CHD1L: variants seen among roughly 807,000 people sequenced by gnomAD.
CHD1L encodes ATP-dependent chromatin remodeler CHD1L.
A neutral mutation model predicts 115.9 loss-of-function variants in CHD1L; 118 were observed. The observed-to-expected ratio is 1.02, with a 90% CI of 0.88 to 1.19. CHD1L has a LOEUF of 1.19. CHD1L is among the 50% of genes most tolerant of loss of function. The pLI, the probability that CHD1L is intolerant of heterozygous loss-of-function variation, is 0.00. For missense variants in CHD1L, 1,179 were observed against 1,065.3 expected (o/e 1.11, Z -1.49); for synonymous variants, 411 against 387.1 (o/e 1.06, Z -0.72).
At chr1:147,178,115 T>G in the CHD1L span, 9 of 1,582,104 alleles carry the variant, frequency 5.7e-6, no homozygotes, top group Non-Finnish European at 6.9e-6. Flanking sequence ...CTCGCCGCCA[T>G]GTGCCTCCGC....
chr1:147,286,842 CT>C (rs1374825798), intron 18 of CHD1L, among the ~76,000 whole-genome samples: 1 of 152,132 alleles, frequency 6.6e-6, no homozygotes, highest in Non-Finnish European at 1.5e-5. Context: ...AGCTTGTTCC[CT>C]TGCTTGACCT....
At position 147,264,469 on chromosome 1, in the gene CHD1L, C is replaced by T. The variant is rs143518204; in HGVS notation, c.624C>T (p.Asn208=). Residue 208 remains asparagine (N), a synonymous_variant, in exon 7 of 23, where the codon AAC becomes AAT. Coordinates refer to ENST00000369258, the MANE Select transcript of CHD1L (RefSeq NM_004284.6). The stretch of plus-strand genomic sequence containing the variant: ...TGTTGACCGGAACTCCCATCCAGAA[C>T]AGCCTCCAAGAGCTCTACTCCCTCC... ...SLLLTGTPIQ[N]SLQELYSLLS... is the part of the protein sequence containing the mutation. The T allele has an allele frequency of 1.3e-5, 21 of 1,613,586 alleles. No homozygotes were observed. In the African/African-American group the frequency reaches 2.5e-4, roughly 19 times the overall value.
the CHD1L span, among the ~76,000 whole-genome samples, chr1:147,229,235 C>T: frequency 6.6e-6 from 1 of 152,032 alleles, no homozygotes; most frequent in Non-Finnish European, 1.5e-5. Flanking sequence ...ACAGCTAGCC[C>T]GTTTTCCCAG....
intron 12 of CHD1L, among the ~76,000 whole-genome samples, chr1:147,274,694 T>A (rs587727341): frequency 6.6e-6 from 1 of 151,774 alleles, no homozygotes. Flanking sequence ...CCAGCAAGAG[T>A]GTTCTGAGCA....
chr1:147,271,854 A>T (rs1676373320), intron 11 of CHD1L, among the ~76,000 whole-genome samples: 1 of 152,300 alleles, frequency 6.6e-6, no homozygotes, highest in African/African-American at 2.4e-5. Flanking sequence ...CATCTCAGCA[A>T]AGTTGAAACT....
chr1:147,231,473 T>C, the CHD1L span, among the ~76,000 whole-genome samples: 1 of 152,230 alleles, frequency 6.6e-6, no homozygotes, highest in Non-Finnish European at 1.5e-5. Context: ...CTGAAAAGAA[T>C]GTATATTCTG....
At chr1:147,280,470 C>T (rs1553961240) in intron 15 of CHD1L, among the ~76,000 whole-genome samples, 1 of 152,208 alleles carries the variant, frequency 6.6e-6, no homozygotes, top group African/African-American at 2.4e-5. Flanking sequence ...TGTACCTTTT[C>T]TCCCTTGGTT....
the CHD1L span, among the ~76,000 whole-genome samples, chr1:147,218,305 A>C: frequency 6.6e-6 from 1 of 150,730 alleles, no homozygotes; most frequent in African/African-American, 2.4e-5. Context: ...GCACGATCTC[A>C]GCTCCCTGCA....
chr1:147,249,202 T>C (rs1181160555), intron 1 of CHD1L, among the ~76,000 whole-genome samples: 1 of 152,186 alleles, frequency 6.6e-6, no homozygotes, highest in Non-Finnish European at 1.5e-5. Context: ...GGAGTCTGGA[T>C]TGACAGTTCT....
At chr1:147,180,537 C>T in the CHD1L span, among the ~76,000 whole-genome samples, 7 of 152,326 alleles carry the variant, frequency 4.6e-5, no homozygotes, top group South Asian at 2.1e-4. Context: ...GTGATCCACC[C>T]GCCTTGGCCT....
rs782027400 is a variant in CHD1L, at chr1:147,267,428, G to A, written c.898G>A (p.Ala300Thr). ...CTCTCTTTTTTTTTAAATTTCAGATGCATTTGAAAATGAGACGGCAAAGAA... is the reference window on the plus strand; with the variant it reads ...CTCTCTTTTTTTTTAAATTTCAGATACATTTGAAAATGAGACGGCAAAGAA... ...YKAILMKDLD[A>T]FENETAKKVK... Residue 300 changes from alanine (A) to threonine (T), a missense_variant and splice_region_variant, in exon 9 of 23, where the codon GCA (alanine) becomes ACA (threonine). Physicochemically the swap from Ala to Thr is moderately conservative, Grantham distance 58. Transcript: ENST00000369258. 11 of 1,609,164 alleles carry A rather than the reference G, an allele frequency of 6.8e-6. No homozygotes were observed. The highest frequency in any genetic ancestry group is 5.9e-6 in the Non-Finnish European group (7 of 1,176,636).
chr1:147,204,869 A>G, the CHD1L span: 1 of 1,594,940 alleles, frequency 6.3e-7, no homozygotes, highest in East Asian at 2.2e-5. Flanking sequence ...AATTCTGAAA[A>G]GTGTTTCGCT....
the CHD1L span, among the ~76,000 whole-genome samples, chr1:147,232,888 G>A: frequency 3.5e-3 from 527 of 152,310 alleles, 2 homozygotes; most frequent in Non-Finnish European, 6.5e-3. Flanking sequence ...GCCTCCCAAA[G>A]TGCCGAAAGT....
In CHD1L at chr1:147,256,511, G is replaced by A. The variant is rs111822828; in HGVS notation, c.463-20G>A. On this transcript the variant is annotated intron_variant, in intron 4 of 22. Coordinates refer to ENST00000369258, the MANE Select transcript of CHD1L (RefSeq NM_004284.6). ...GTTTATCAATGCCAGCCTTTATAAC[G>A]TGTCTTCCTAATTTTTCAGATTTGC... 6.8e-6 allele frequency: 11 copies of A among 1,610,092 alleles called. No individual in the cohort carries two copies. Among genetic ancestry groups the A allele is most frequent in the African/African-American group, 5.3e-5 (4 of 74,834 alleles).
Position 147,259,937 on chromosome 1 carries a change from CT to C in CHD1L, c.576+21del. On this transcript the variant is annotated intron_variant, in intron 6 of 22. Coordinates refer to ENST00000369258, the MANE Select transcript of CHD1L (RefSeq NM_004284.6). ...GTCAGAGGTAAACTTACAGTGTAGC[CT>C]TAGTTTTTATATAACCCCTTCTTTT... The C allele has an allele frequency of 6.3e-7, 1 of 1,587,274 alleles. No homozygotes were observed. Among genetic ancestry groups the C allele is most frequent in the Non-Finnish European group, 8.6e-7 (1 of 1,162,624 alleles).
chr1:147,279,967 A>G, intron 14 of CHD1L, 59 bp from the exon 15 acceptor site: 1 of 1,579,210 alleles, frequency 6.3e-7, no homozygotes, highest in Non-Finnish European at 8.7e-7. Context: ...CCAATCACTG[A>G]TATCCTAATG....
the CHD1L span, chr1:147,190,401 C>A: frequency 1.8e-6 from 1 of 561,696 alleles, no homozygotes. Flanking sequence ...ACCTTACCAC[C>A]ACCACAATAT....
the CHD1L span, chr1:147,203,359 A>G: frequency 7.8e-7 from 1 of 1,277,544 alleles, no homozygotes; most frequent in Non-Finnish European, 1.1e-6. Context: ...TACCTGACCC[A>G]CTCTAAGTAC....
intron 14 of CHD1L, among the ~76,000 whole-genome samples, chr1:147,279,529 G>A (rs587721256): frequency 3.3e-5 from 5 of 152,254 alleles, no homozygotes; most frequent in Non-Finnish European, 5.9e-5. Flanking sequence ...AGGTGGTTTC[G>A]ATAGACCACT....
Sources: allele counts gnomAD v4.1 joint callset (sites outside exome capture counted in the v4.1 genomes callset), GRCh38; gene constraint gnomAD v4.1.1; transcripts MANE v1.5; gene names NCBI Gene and HGNC (gene_info 2026-07-23, HGNC 2026-07-21).